The following PTPRN2 variants were observed in gnomAD, a reference collection of about 807,000 sequenced individuals.
PTPRN2 encodes receptor-type tyrosine-protein phosphatase N2.
Under a neutral mutation model 118.8 loss-of-function variants are expected in PTPRN2, and 74 were observed. That is an observed-to-expected ratio of 0.62 (90% CI 0.52 to 0.76). PTPRN2 has a LOEUF of 0.76. Among genes scored for constraint, PTPRN2 ranks in the 30% least tolerant of loss-of-function variants. The probability of loss-of-function intolerance (pLI) is 0.00; values close to 1 mark genes in which losing one functional copy is unlikely to be tolerated. For missense variants in PTPRN2, 1,481 were observed against 1,394.4 expected, an observed-to-expected ratio of 1.06 and a Z score of -0.99; for synonymous variants, 641 against 608.0, an observed-to-expected ratio of 1.05 and a Z score of -0.80.
At chr7:157,923,773 G>A (rs1403538990) in intron 11 of PTPRN2, among the ~76,000 whole-genome samples, 3 of 152,176 alleles carry the variant, frequency 2.0e-5, no homozygotes, top group African/African-American at 7.2e-5. Flanking sequence ...GATAAGAAAT[G>A]TGTTTTCAGG....
chr7:158,151,512 C>CCTGCCTCTCCCTGCCCACACTG (rs1563522237), intron 6 of PTPRN2, among the ~76,000 whole-genome samples: 1 of 151,588 alleles, frequency 6.6e-6, no homozygotes, highest in Non-Finnish European at 1.5e-5. Flanking sequence ...CCTTTCTGCT[C>CCTGCCTCTCCCTGCCCACACTG]CTCACCGCAC....
intron 2 of PTPRN2, among the ~76,000 whole-genome samples, chr7:158,430,668 G>A (rs1304056983): frequency 1.3e-5 from 2 of 152,244 alleles, no homozygotes; most frequent in Non-Finnish European, 2.9e-5. Flanking sequence ...AGCCCACTCG[G>A]TGCCTTGTGG....
At position 157,595,515 on chromosome 7, in the gene PTPRN2, G is replaced by T. The variant is rs1563245339; in HGVS notation, c.2419-200C>A. ...AGCCTGGTGTTTAGGAAGCCCGGAG[G>T]TTAGGAAGCCAGAAGGTTAGGAAGC... On this transcript the variant is annotated intron_variant, in intron 16 of 22. Transcript: ENST00000389418. Among the ~76,000 whole-genome samples the T allele has an allele frequency of 1.7e-5, 2 of 115,086 alleles. 1 individual carries two copies. 75.5% of individuals were successfully genotyped at this position (115,086 alleles called of 152,430 possible). A position where few individuals can be genotyped will look rare whatever the true frequency, so the allele number is the denominator to read the frequency against.
Position 158,158,497 on chromosome 7 carries a change from T to A in PTPRN2, c.910+8434A>T, listed in dbSNP as rs978397536. ...GGGAGAGAACTGGGAGCGGAGCCCATGTGATTGGCCAGGACTTCGCAAGTG... is the reference window on the plus strand; with the variant it reads ...GGGAGAGAACTGGGAGCGGAGCCCAAGTGATTGGCCAGGACTTCGCAAGTG... On this transcript the variant is annotated intron_variant, in intron 6 of 22. Coordinates refer to ENST00000389418, the MANE Select transcript of PTPRN2 (RefSeq NM_002847.5). 2.6e-5 allele frequency among the ~76,000 whole-genome samples: 4 copies of A among 151,786 alleles called. No individual in the cohort carries two copies. In the East Asian group the frequency reaches 7.7e-4, roughly 29 times the overall value.
intron 6 of PTPRN2, among the ~76,000 whole-genome samples, chr7:158,146,930 C>G (rs1398083095): frequency 6.6e-6 from 1 of 151,214 alleles, no homozygotes; most frequent in Non-Finnish European, 1.5e-5. Context: ...CACCCCATCT[C>G]ACGCCACGTG....
chr7:157,579,104 T>C (rs1800213275), intron 17 of PTPRN2, among the ~76,000 whole-genome samples: 1 of 152,232 alleles, frequency 6.6e-6, no homozygotes, highest in Non-Finnish European at 1.5e-5. Flanking sequence ...TAAAATGCTG[T>C]CATCGTAGCG....
At chr7:157,703,166 C>G (rs1798161495) in intron 12 of PTPRN2, among the ~76,000 whole-genome samples, 1 of 152,236 alleles carries the variant, frequency 6.6e-6, no homozygotes, top group African/African-American at 2.4e-5. Flanking sequence ...GGGCCTCCGT[C>G]CTCCTGGAAT....
intron 11 of PTPRN2, among the ~76,000 whole-genome samples, chr7:157,982,165 T>C (rs4716864): frequency 0.29 from 24,771 of 86,718 alleles, 3,780 homozygotes; most frequent in Admixed American, 0.36. Context: ...GTCACAGAGA[T>C]GAGGAGGGGA....
At chr7:158,361,139 CGGGG>C (rs1808904814) in intron 2 of PTPRN2, among the ~76,000 whole-genome samples, 1 of 8,110 alleles carries the variant, frequency 1.2e-4, no homozygotes, top group African/African-American at 1.9e-3. Context: ...CACCCTCACC[CGGGG>C]TGACCCACAG....
chr7:157,575,177 G>C (rs890662406), intron 19 of PTPRN2, among the ~76,000 whole-genome samples: 4 of 152,246 alleles, frequency 2.6e-5, no homozygotes, highest in Non-Finnish European at 1.5e-5. Context: ...TGAACGCAAA[G>C]ACGGGGTGTT....
chr7:158,503,135 C>A (rs113518836), intron 1 of PTPRN2, among the ~76,000 whole-genome samples: 1 of 152,016 alleles, frequency 6.6e-6, no homozygotes, highest in African/African-American at 2.4e-5. Context: ...CCATAAGCCA[C>A]TGTGTCCATC....
At chr7:158,441,110 G>A (rs1430519533) in intron 2 of PTPRN2, among the ~76,000 whole-genome samples, 2 of 150,086 alleles carry the variant, frequency 1.3e-5, no homozygotes, top group Non-Finnish European at 2.9e-5. Flanking sequence ...TGGTAGTGAT[G>A]GTGATGGTGA....
At chr7:157,737,745 G>A (rs1322270838) in intron 12 of PTPRN2, among the ~76,000 whole-genome samples, 1 of 152,250 alleles carries the variant, frequency 6.6e-6, no homozygotes, top group African/African-American at 2.4e-5. Flanking sequence ...ACAGCATCGT[G>A]GGTGCCGGCT....
chr7:158,222,338 T>C (rs10257230), intron 3 of PTPRN2, among the ~76,000 whole-genome samples: 2 of 152,102 alleles, frequency 1.3e-5, no homozygotes, highest in South Asian at 2.1e-4. Flanking sequence ...TACCCACTGA[T>C]GATGGACTGG....
Position 157,585,020 on chromosome 7 carries a change from C to CA in PTPRN2, c.2497-6881dup, listed in dbSNP as rs1800598865. The stretch of plus-strand genomic sequence containing the variant: ...AAACCTTCGTGATGCCGTCCATGAC[C>CA]AGCTCATGGTGCACCTACCTGGCTT... On this transcript the variant is annotated intron_variant, in intron 17 of 22. Transcript: ENST00000389418. This position sits in a 1 kb window ranked among gnomAD's most constrained non-coding sequence, Gnocchi z 5.2. 6.6e-6 allele frequency among the ~76,000 whole-genome samples: 1 copy of CA among 152,166 alleles called. No individual in the cohort carries two copies. Among genetic ancestry groups the CA allele is most frequent in the Non-Finnish European group, 1.5e-5 (1 of 68,030 alleles).
intron 12 of PTPRN2, among the ~76,000 whole-genome samples, chr7:157,774,996 A>G (rs1271524915): frequency 6.6e-6 from 1 of 152,202 alleles, no homozygotes; most frequent in Non-Finnish European, 1.5e-5. Flanking sequence ...AATGAAAGCA[A>G]AGTCAGGGAA....
intron 3 of PTPRN2, among the ~76,000 whole-genome samples, chr7:158,217,505 C>G (rs960226946): frequency 1.3e-5 from 2 of 152,206 alleles, no homozygotes; most frequent in African/African-American, 2.4e-5. Flanking sequence ...TCAGCACTCA[C>G]AGATGAGAAA....
intron 5 of PTPRN2, among the ~76,000 whole-genome samples, chr7:158,179,101 T>C (rs1824471876): frequency 6.6e-6 from 1 of 152,244 alleles, no homozygotes; most frequent in Non-Finnish European, 1.5e-5. Flanking sequence ...ATAGATGTTG[T>C]ACTAATTTAC....
At chr7:158,270,621 G>T (rs1563066548) in intron 3 of PTPRN2, among the ~76,000 whole-genome samples, 1 of 152,072 alleles carries the variant, frequency 6.6e-6, no homozygotes, top group Non-Finnish European at 1.5e-5. Context: ...ATAAGGGAAG[G>T]TTTCGACCAC....
Sources: gnomAD v4.1 joint callset for allele counts (sites outside exome capture counted in the v4.1 genomes callset) on GRCh38, gnomAD v4.1.1 for gene constraint, Gnocchi (gnomAD v3.1) non-coding constraint, MANE v1.5 for transcripts, NCBI Gene and HGNC (gene_info 2026-07-23, HGNC 2026-07-21) for gene names.